The following UBXN7 variants were observed in gnomAD, a reference collection of about 807,000 sequenced individuals.
UBXN7 encodes UBX domain protein 7, also known as UBX domain-containing protein 7.
In UBXN7, 9 loss-of-function variants were observed where a neutral mutation model predicts 58.0. That is an observed-to-expected ratio of 0.16 (90% CI 0.09 to 0.27). The LOEUF is 0.27. Among genes scored for constraint, UBXN7 ranks in the 10% least tolerant of loss-of-function variants. UBXN7 has a pLI of 1.00. For missense variants in UBXN7, 328 were observed against 599.6 expected (o/e 0.55, Z 4.73); for synonymous variants, 208 against 205.0 (o/e 1.01, Z -0.12).
At chr3:196,407,461 TC>T in intron 1 of UBXN7, 68 bp from the exon 2 acceptor site, 1 of 1,523,232 alleles carries the variant, frequency 6.6e-7, no homozygotes, top group Non-Finnish European at 8.7e-7. Flanking sequence ...TTTCTTCAGC[TC>T]ATATTAGAAT....
intron 5 of UBXN7, among the ~76,000 whole-genome samples, chr3:196,379,166 T>C (rs1177168925): frequency 9.3e-5 from 11 of 118,130 alleles, no homozygotes; most frequent in Admixed American, 2.6e-4. Context: ...CCAGCTTCTT[T>C]CCATGTTGGT....
At chr3:196,411,329 T>C (rs956632830) in intron 1 of UBXN7, among the ~76,000 whole-genome samples, 4 of 152,160 alleles carry the variant, frequency 2.6e-5, no homozygotes, top group African/African-American at 7.2e-5. Context: ...AGAGAGGGAG[T>C]AGGCCTTAGT....
At chr3:196,415,704 C>T (rs1002819009) in intron 1 of UBXN7, among the ~76,000 whole-genome samples, 2 of 151,836 alleles carry the variant, frequency 1.3e-5, no homozygotes, top group African/African-American at 4.8e-5. Context: ...ATCGCTTGAA[C>T]CAGGGAGTCA....
intron 5 of UBXN7, among the ~76,000 whole-genome samples, chr3:196,380,537 C>T (rs1729174753): frequency 2.6e-5 from 4 of 152,212 alleles, no homozygotes; most frequent in Non-Finnish European, 2.9e-5. Flanking sequence ...GGAGCAGCTG[C>T]AGTCTGCAGC....
intron 5 of UBXN7, among the ~76,000 whole-genome samples, chr3:196,386,766 C>T (rs1051437825): frequency 2.0e-5 from 3 of 152,076 alleles, no homozygotes; most frequent in African/African-American, 7.2e-5. Context: ...AGAATCAATA[C>T]CTGAAAATGG....
Position 196,355,629 on chromosome 3 carries a change from C to CA in UBXN7, c.*1055dup, listed in dbSNP as rs1284311374. The CA allele has an allele frequency of 2.6e-5, 4 of 152,192 alleles. No homozygotes were observed. The highest frequency in any genetic ancestry group is 9.6e-5 in the African/African-American group (4 of 41,528). The allele number at this position is 152,192 out of a possible 1,614,324, so 9.4% of individuals were successfully genotyped here. A position where few individuals can be genotyped will look rare whatever the true frequency, so the allele number is the denominator to read the frequency against. ...TTTTAGAGACTATTCCAACCAGGGG[C>CA]AAAAAATGAACCATTATTTCTAACC... On this transcript the variant is annotated 3_prime_UTR_variant, in exon 11 of 11. Coordinates refer to ENST00000296328, the MANE Select transcript of UBXN7 (RefSeq NM_015562.2).
intron 3 of UBXN7, among the ~76,000 whole-genome samples, chr3:196,395,288 C>G (rs1048730065): frequency 2.0e-5 from 3 of 152,018 alleles, no homozygotes; most frequent in African/African-American, 7.2e-5. Context: ...AAAGGCAAAA[C>G]AAAGCAACAA....
At chr3:196,405,254 G>A (rs188502441) in intron 2 of UBXN7, among the ~76,000 whole-genome samples, 2 of 152,104 alleles carry the variant, frequency 1.3e-5, no homozygotes, top group African/African-American at 4.8e-5. Flanking sequence ...GGTGGATCAC[G>A]AGGTCAGGAA....
chr3:196,388,644 T>G (rs975613376), intron 5 of UBXN7, among the ~76,000 whole-genome samples: 2 of 152,174 alleles, frequency 1.3e-5, no homozygotes, highest in East Asian at 3.9e-4. Flanking sequence ...GAACATGACC[T>G]ACCTCTAGTT....
Position 196,351,180 on chromosome 3 carries a change from T to C in UBXN7, c.*5505A>G, listed in dbSNP as rs1366850811. 6.6e-6 allele frequency: 1 copy of C among 152,214 alleles called. No homozygotes were observed. Among genetic ancestry groups the C allele is most frequent in the Admixed American group, 6.5e-5 (1 of 15,274 alleles). The allele number at this position is 152,214 out of a possible 1,614,324, so 9.4% of individuals were successfully genotyped here. A position where few individuals can be genotyped will look rare whatever the true frequency, so the allele number is the denominator to read the frequency against. On this transcript the variant is annotated 3_prime_UTR_variant, in exon 11 of 11. Transcript: ENST00000296328. ...GCCTAATTGTATCTTTAAAAAGCTG[T>C]TTCTGCCAAAACCAGGTGTGAATCT...
chr3:196,432,113 G>A (rs1365088357), intron 1 of UBXN7: 1 of 693,916 alleles, frequency 1.4e-6, no homozygotes, highest in East Asian at 2.7e-5. Context: ...ACGCTACTAG[G>A]AGACAGAGAA....
intron 1 of UBXN7, among the ~76,000 whole-genome samples, chr3:196,424,808 TTCTCC>T (rs1730797776): frequency 1.3e-5 from 2 of 150,810 alleles, no homozygotes; most frequent in African/African-American, 4.9e-5. Flanking sequence ...GTTCAAGCAA[TTCTCC>T]TGCCTCAGCC....
intron 3 of UBXN7, among the ~76,000 whole-genome samples, chr3:196,394,637 A>T (rs1729714255): frequency 6.6e-6 from 1 of 152,072 alleles, no homozygotes; most frequent in South Asian, 2.1e-4. Flanking sequence ...CTTAATATCC[A>T]AGTGGTGATA....
intron 1 of UBXN7, among the ~76,000 whole-genome samples, chr3:196,409,825 G>A (rs779866856): frequency 3.7e-4 from 57 of 152,116 alleles, no homozygotes; most frequent in Non-Finnish European, 2.2e-4. Context: ...TACCAAAAGG[G>A]AAGTTCAAAG....
At chr3:196,419,408 T>C (rs1055386623) in intron 1 of UBXN7, among the ~76,000 whole-genome samples, 3 of 152,188 alleles carry the variant, frequency 2.0e-5, no homozygotes, top group Non-Finnish European at 4.4e-5. Flanking sequence ...CCACTACACA[T>C]GCAGATTTTT....
At chr3:196,421,878 C>T (rs896840693) in intron 1 of UBXN7, among the ~76,000 whole-genome samples, 17 of 151,908 alleles carry the variant, frequency 1.1e-4, no homozygotes, top group African/African-American at 4.1e-4. Context: ...CAATGACATA[C>T]CATTACACAC....
In UBXN7 at chr3:196,348,463, G is replaced by C. The variant is rs1728135678; in HGVS notation, c.*8222C>G. 1 of 152,180 alleles carries C rather than the reference G, an allele frequency of 6.6e-6. No individual in the cohort carries two copies. Among genetic ancestry groups the C allele is most frequent in the Non-Finnish European group, 1.5e-5 (1 of 68,050 alleles). 9.4% of individuals were successfully genotyped at this position (152,180 alleles called of 1,614,324 possible). A position where few individuals can be genotyped will look rare whatever the true frequency, so the allele number is the denominator to read the frequency against. ...TCTTGGATTCAATCACAAATTTAGA[G>C]TACAGATGAAATTTAGAGCCTGTCC... On this transcript the variant is annotated 3_prime_UTR_variant, in exon 11 of 11. Coordinates refer to ENST00000296328, the MANE Select transcript of UBXN7 (RefSeq NM_015562.2).
chr3:196,398,384 G>C (rs911466882), intron 3 of UBXN7, among the ~76,000 whole-genome samples: 5 of 152,072 alleles, frequency 3.3e-5, no homozygotes, highest in African/African-American at 1.2e-4. Flanking sequence ...AATTCATCTC[G>C]CAGTCTGAAT....
Position 196,401,821 on chromosome 3 carries a change from AAG to A in UBXN7, c.289+1129_289+1130del, listed in dbSNP as rs764023261. ...AAAGGAAAGAAAGAAAAGAAAAGAG[AAG>A]AGAGAAGAGAAGAGAAGAGAAGAGA... is the stretch of plus-strand genomic sequence containing the variant. On this transcript the variant is annotated intron_variant, in intron 3 of 10. Transcript: ENST00000296328. Among the ~76,000 whole-genome samples, 191 of 127,580 alleles carry A rather than the reference AAG, an allele frequency of 1.5e-3. 1 individual carries two copies. Among genetic ancestry groups the A allele is most frequent in the African/African-American group, 5.1e-3 (171 of 33,362 alleles). The allele number at this position is 127,580 out of a possible 152,430, so 83.7% of individuals were successfully genotyped here.
Sources: gnomAD v4.1 joint callset for allele counts (sites outside exome capture counted in the v4.1 genomes callset) on GRCh38, gnomAD v4.1.1 for gene constraint, MANE v1.5 for transcripts, NCBI Gene and HGNC (gene_info 2026-07-23, HGNC 2026-07-21) for gene names.